The following AGBL1 variants were observed in gnomAD, a reference collection of about 807,000 sequenced individuals.
The protein encoded by AGBL1 is cytosolic carboxypeptidase 4.
Under a neutral mutation model 118.9 loss-of-function variants are expected in AGBL1, and 130 were observed. That is an observed-to-expected ratio of 1.09 (90% CI 0.95 to 1.26). The LOEUF is 1.26. Among genes scored for constraint, AGBL1 ranks in the 50% most tolerant of loss-of-function variants. AGBL1 has a pLI of 0.00. For missense variants in AGBL1, 1,584 were observed against 1,298.1 expected (o/e 1.22, Z -3.38); for synonymous variants, 555 against 478.9 (o/e 1.16, Z -2.08).
chr15:86,925,709 C>T (rs1320075784), intron 23 of AGBL1, among the ~76,000 whole-genome samples: 12 of 143,426 alleles, frequency 8.4e-5, no homozygotes, highest in African/African-American at 1.0e-4. Context: ...TTTTCTTTTT[C>T]TTTTTCTTTT....
intron 5 of AGBL1, among the ~76,000 whole-genome samples, chr15:86,215,667 T>C (rs1011402123): frequency 1.3e-5 from 2 of 152,194 alleles, no homozygotes; most frequent in African/African-American, 4.8e-5. Flanking sequence ...TCTTAGTCTC[T>C]TCATCTGTAA....
At chr15:86,362,323 G>T (rs1387075479) in intron 17 of AGBL1, among the ~76,000 whole-genome samples, 1 of 152,056 alleles carries the variant, frequency 6.6e-6, no homozygotes, top group Non-Finnish European at 1.5e-5. Context: ...GAGTTAAACT[G>T]GTTTATATTA....
chr15:86,923,347 C>T (rs1284472337), intron 23 of AGBL1, among the ~76,000 whole-genome samples: 1 of 152,190 alleles, frequency 6.6e-6, no homozygotes, highest in Non-Finnish European at 1.5e-5. Flanking sequence ...CCGGGCTTGT[C>T]TTCAATACAC....
intron 24 of AGBL1, among the ~76,000 whole-genome samples, chr15:87,015,334 A>C (rs566267481): frequency 3.8e-4 from 58 of 151,856 alleles, no homozygotes; most frequent in Non-Finnish European, 7.4e-4. Context: ...TCCCCTAATA[A>C]ATCCCTTATC....
At chr15:86,995,765 G>T (rs1217134846) in intron 24 of AGBL1, among the ~76,000 whole-genome samples, 1 of 152,038 alleles carries the variant, frequency 6.6e-6, no homozygotes, top group African/African-American at 2.4e-5. Context: ...GTGTTTGTTT[G>T]GTTTGATGCT....
At chr15:86,169,600 G>T (rs1009981687) in intron 5 of AGBL1, among the ~76,000 whole-genome samples, 1 of 152,150 alleles carries the variant, frequency 6.6e-6, no homozygotes, top group African/African-American at 2.4e-5. Context: ...ACTTCCTCCT[G>T]TATACTTTTA....
At chr15:86,722,100 C>A (rs1347621504) in intron 22 of AGBL1, among the ~76,000 whole-genome samples, 1 of 152,046 alleles carries the variant, frequency 6.6e-6, no homozygotes, top group African/African-American at 2.4e-5. Context: ...TTTATAGATT[C>A]AATGCCATCC....
intron 22 of AGBL1, among the ~76,000 whole-genome samples, chr15:86,708,239 T>G (rs2086488692): frequency 6.6e-6 from 1 of 152,062 alleles, no homozygotes. Flanking sequence ...GATAGGGTCT[T>G]AAGGGAAGTA....
chr15:86,951,239 G>A (rs1193472969), intron 23 of AGBL1, among the ~76,000 whole-genome samples: 1 of 152,162 alleles, frequency 6.6e-6, no homozygotes, highest in African/African-American at 2.4e-5. Context: ...GTGGAACTAT[G>A]AACTGGCACA....
chr15:86,477,623 A>G (rs1170249442), intron 18 of AGBL1, among the ~76,000 whole-genome samples: 1 of 152,210 alleles, frequency 6.6e-6, no homozygotes, highest in Non-Finnish European at 1.5e-5. Flanking sequence ...TCAGGACCAG[A>G]TGTATTCACA....
At chr15:86,966,179 T>C (rs1370895668) in intron 23 of AGBL1, among the ~76,000 whole-genome samples, 1 of 151,910 alleles carries the variant, frequency 6.6e-6, no homozygotes, top group Admixed American at 6.6e-5. Context: ...AGGGACTCTG[T>C]AGTATTTTTT....
At chr15:86,373,703 G>C (rs930958486) in intron 17 of AGBL1, among the ~76,000 whole-genome samples, 1 of 152,178 alleles carries the variant, frequency 6.6e-6, no homozygotes, top group African/African-American at 2.4e-5. Flanking sequence ...CAGAGGAAAA[G>C]CTGTAGGCAA....
chr15:86,368,587 T>G (rs771627983), intron 17 of AGBL1, among the ~76,000 whole-genome samples: 22 of 152,140 alleles, frequency 1.4e-4, no homozygotes, highest in Non-Finnish European at 2.9e-4. Flanking sequence ...TGGGATAAAT[T>G]TAATCCTAGA....
At position 86,228,378 on chromosome 15, in the gene AGBL1, C is replaced by G. The variant is rs77347966; in HGVS notation, c.526+3427C>G. 2.3e-3 allele frequency among the ~76,000 whole-genome samples: 343 copies of G among 152,310 alleles called. 2 individuals carry two copies. The highest frequency in any genetic ancestry group is 8.0e-3 in the African/African-American group (333 of 41,588). ...AGCTGGTGATTATTCTGAGCTTGAT[C>G]TTTGCTTGTCAGTGAGTGTAAAAGT... is the stretch of plus-strand genomic sequence containing the variant. On this transcript the variant is annotated intron_variant, in intron 6 of 22. Transcript: ENST00000614907.
intron 20 of AGBL1, among the ~76,000 whole-genome samples, chr15:86,548,833 A>T (rs1029222204): frequency 2.0e-5 from 3 of 152,074 alleles, no homozygotes; most frequent in East Asian, 3.9e-4. Flanking sequence ...AAGAGGTTTA[A>T]TTGGCTCATG....
At chr15:86,347,558 T>G (rs1021193065) in intron 17 of AGBL1, among the ~76,000 whole-genome samples, 2 of 152,252 alleles carry the variant, frequency 1.3e-5, no homozygotes, top group African/African-American at 4.8e-5. Context: ...AATTGCTCAC[T>G]GATACAGAGG....
At chr15:86,942,668 A>G (rs1002024370) in intron 23 of AGBL1, among the ~76,000 whole-genome samples, 39 of 152,180 alleles carry the variant, frequency 2.6e-4, no homozygotes, top group African/African-American at 8.7e-4. Context: ...GAATCACTTT[A>G]TCTTACTGAG....
intron 17 of AGBL1, among the ~76,000 whole-genome samples, chr15:86,342,600 CAG>C (rs2080477803): frequency 1.3e-5 from 2 of 152,078 alleles, no homozygotes; most frequent in East Asian, 1.9e-4. Flanking sequence ...TTAAAAGAAA[CAG>C]AGGGACAGGA....
At chr15:86,204,192 C>T (rs1392747856) in intron 5 of AGBL1, among the ~76,000 whole-genome samples, 1 of 152,208 alleles carries the variant, frequency 6.6e-6, no homozygotes, top group Non-Finnish European at 1.5e-5. Flanking sequence ...TCTATGCTTT[C>T]TGTGTCCCAA....
Sources: allele counts gnomAD v4.1 joint callset (sites outside exome capture counted in the v4.1 genomes callset), GRCh38; gene constraint gnomAD v4.1.1; transcripts MANE v1.5; gene names NCBI Gene and HGNC (gene_info 2026-07-23, HGNC 2026-07-21).